Variants in PTPN11 observed in about 807,000 individuals in gnomAD.
PTPN11 encodes the protein tyrosine-protein phosphatase non-receptor type 11.
In PTPN11, 6 loss-of-function variants were observed where a neutral mutation model predicts 78.8. That is an observed-to-expected ratio of 0.08 (90% CI 0.04 to 0.15). The LOEUF (loss-of-function observed/expected upper bound fraction) is 0.15. Ranked by LOEUF, PTPN11 falls within the 10% of genes least tolerant of loss-of-function variation. The pLI, the probability that PTPN11 is intolerant of heterozygous loss-of-function variation, is 1.00. For missense variants in PTPN11, 386 were observed against 744.8 expected (o/e 0.52, Z 5.61); for synonymous variants, 221 against 263.5 (o/e 0.84, Z 1.56).
intron 1 of PTPN11, among the ~76,000 whole-genome samples, chr12:112,441,296 C>G (rs760717937): frequency 6.7e-6 from 1 of 148,948 alleles, no homozygotes; most frequent in African/African-American, 2.5e-5. Flanking sequence ...AGGTCTTGCT[C>G]GATTGCCTAG....
chr12:112,419,220 G>C, intron 1 of PTPN11, 95 bp downstream of exon 1: 1 of 1,272,706 alleles, frequency 7.9e-7, no homozygotes, highest in Non-Finnish European at 1.0e-6. Flanking sequence ...GCCGGGCTTC[G>C]GGCTCCCGCC....
chr12:112,481,333 T>C (rs1267973861), intron 9 of PTPN11, among the ~76,000 whole-genome samples: 1 of 152,206 alleles, frequency 6.6e-6, no homozygotes, highest in Non-Finnish European at 1.5e-5. Context: ...GCCAGCACTC[T>C]CACATTGGTT....
intron 1 of PTPN11, among the ~76,000 whole-genome samples, chr12:112,431,676 G>A (rs1384606612): frequency 6.6e-6 from 1 of 152,154 alleles, no homozygotes; most frequent in Non-Finnish European, 1.5e-5. Context: ...ACAGGGTCCT[G>A]TTAAGATCTG....
intron 11 of PTPN11, among the ~76,000 whole-genome samples, chr12:112,488,080 G>A (rs1035732974): frequency 1.3e-5 from 2 of 151,974 alleles, no homozygotes; most frequent in African/African-American, 4.8e-5. Flanking sequence ...CACTGCGCCC[G>A]GCCCTCTTTC....
At chr12:112,467,449 A>C (rs1389226907) in intron 6 of PTPN11, among the ~76,000 whole-genome samples, 1 of 152,126 alleles carries the variant, frequency 6.6e-6, no homozygotes, top group Non-Finnish European at 1.5e-5. Flanking sequence ...AGACGATCAC[A>C]TGGCCGGAGT....
At chr12:112,454,738 G>A in intron 5 of PTPN11, 58 bp downstream of exon 5, 1 of 1,323,690 alleles carries the variant, frequency 7.6e-7, no homozygotes, top group Non-Finnish European at 1.1e-6. Context: ...AATCCTAATA[G>A]AGAATTTTGC....
chr12:112,441,056 C>T (rs534873910), intron 1 of PTPN11, among the ~76,000 whole-genome samples: 1 of 151,350 alleles, frequency 6.6e-6, no homozygotes, highest in South Asian at 2.1e-4. Flanking sequence ...CCTCCGCTTC[C>T]CGGGTTCAAG....
intron 6 of PTPN11, among the ~76,000 whole-genome samples, chr12:112,461,066 A>G (rs2038240180): frequency 6.6e-6 from 1 of 152,088 alleles, no homozygotes; most frequent in South Asian, 2.1e-4. Flanking sequence ...TGATATATCT[A>G]GAGACTTCAT....
intron 13 of PTPN11, among the ~76,000 whole-genome samples, chr12:112,492,327 A>G (rs1230969674): frequency 2.0e-5 from 3 of 152,182 alleles, no homozygotes; most frequent in African/African-American, 7.2e-5. Flanking sequence ...TACTTGAGCA[A>G]AACGTAGCTG....
intron 6 of PTPN11, among the ~76,000 whole-genome samples, chr12:112,471,532 A>G (rs1278454593): frequency 6.6e-6 from 1 of 151,996 alleles, no homozygotes; most frequent in Non-Finnish European, 1.5e-5. Context: ...AGAAAAAAAG[A>G]ATATAGATCA....
At position 112,441,934 on chromosome 12, in the gene PTPN11, G is replaced by T. The variant is rs573728421; in HGVS notation, c.15-4342G>T. The stretch of plus-strand genomic sequence containing the variant: ...TGGGATTACAGGCACATGCCACCAC[G>T]CCTGGCTAATTTTTTTGCATTTTTA... On this transcript the variant is annotated intron_variant, in intron 1 of 15. Transcript: ENST00000351677. Among the ~76,000 whole-genome samples, 8 of 152,024 alleles carry T rather than the reference G, an allele frequency of 5.3e-5. No homozygotes were observed. The South Asian group carries it at 1.0e-3, about 20-fold the overall frequency.
At chr12:112,445,664 T>G (rs10774652) in intron 1 of PTPN11, among the ~76,000 whole-genome samples, 145,257 of 147,260 alleles carry the variant, frequency 0.99, 71,649 homozygotes, top group East Asian at 1. Flanking sequence ...TTTCTGAGAT[T>G]GAGTTTCGCT....
intron 11 of PTPN11, 92 bp from the exon 12 acceptor site, chr12:112,488,351 C>T (rs2038705253): frequency 2.9e-6 from 3 of 1,019,138 alleles, no homozygotes; most frequent in Admixed American, 1.7e-5. Flanking sequence ...AAAGAGTAGA[C>T]ATTGTTTCTG....
chr12:112,473,753 G>A (rs943309360), intron 7 of PTPN11, among the ~76,000 whole-genome samples: 1 of 151,410 alleles, frequency 6.6e-6, no homozygotes. Context: ...AGGCTGAGGC[G>A]GGAAATTGGT....
intron 2 of PTPN11, among the ~76,000 whole-genome samples, chr12:112,449,076 G>A (rs886864111): frequency 2.6e-5 from 4 of 151,614 alleles, no homozygotes; most frequent in Admixed American, 6.6e-5. Flanking sequence ...TAGTAGGGAC[G>A]GGGTTTCACC....
chr12:112,492,198 G>T (rs1402454430), intron 13 of PTPN11, among the ~76,000 whole-genome samples: 3 of 152,104 alleles, frequency 2.0e-5, no homozygotes, highest in Non-Finnish European at 4.4e-5. Context: ...CAGAAATGTT[G>T]TTGTAGTCTT....
intron 1 of PTPN11, 66 bp from the exon 2 acceptor site, chr12:112,446,210 T>G (rs1368492446): frequency 1.3e-6 from 2 of 1,592,386 alleles, no homozygotes; most frequent in Non-Finnish European, 1.7e-6. Flanking sequence ...CTTAGCTGTG[T>G]TGTTGTGGAA....
intron 1 of PTPN11, among the ~76,000 whole-genome samples, chr12:112,426,598 A>T (rs144526480): frequency 6.6e-6 from 1 of 151,918 alleles, no homozygotes; most frequent in Non-Finnish European, 1.5e-5. Context: ...TGAGAAATGT[A>T]AACTCTTACA....
At chr12:112,490,055 A>G (rs2038727138) in intron 13 of PTPN11, among the ~76,000 whole-genome samples, 4 of 152,202 alleles carry the variant, frequency 2.6e-5, no homozygotes. Context: ...TATTGTACAT[A>G]GACATCTTCA....
Sources: allele counts gnomAD v4.1 joint callset (sites outside exome capture counted in the v4.1 genomes callset), GRCh38; gene constraint gnomAD v4.1.1; transcripts MANE v1.5; gene names NCBI Gene and HGNC (gene_info 2026-07-23, HGNC 2026-07-21).